The following CRABP1 variants were observed in gnomAD, a reference collection of about 807,000 sequenced individuals.
The protein encoded by CRABP1 is cellular retinoic acid-binding protein 1.
A neutral mutation model predicts 16.4 loss-of-function variants in CRABP1; 9 were observed. The ratio of observed to expected loss-of-function variants is 0.55; its 90% CI spans 0.33 to 0.96. The LOEUF (loss-of-function observed/expected upper bound fraction) is 0.96. Ranked by LOEUF, CRABP1 falls within the 40% of genes least tolerant of loss-of-function variation. The pLI is 0.03. For synonymous variants in CRABP1, 72 were observed against 70.4 expected (o/e 1.02, Z -0.11); for missense variants, 157 against 186.0 (o/e 0.84, Z 0.91).
At chr15:78,343,047 G>A (rs2050243518) in intron 2 of CRABP1, among the ~76,000 whole-genome samples, 1 of 152,058 alleles carries the variant, frequency 6.6e-6, no homozygotes, top group Non-Finnish European at 1.5e-5. Flanking sequence ...CCTGGGAGGT[G>A]GAGGTTGTAA....
intron 3 of CRABP1, among the ~76,000 whole-genome samples, chr15:78,346,459 G>A (rs1010851399): frequency 6.6e-6 from 1 of 152,140 alleles, no homozygotes; most frequent in Non-Finnish European, 1.5e-5. Context: ...TTGAAGTCAG[G>A]AGTTCGAGAC....
chr15:78,344,412 A>T (rs1359016468), intron 3 of CRABP1, among the ~76,000 whole-genome samples: 1 of 151,922 alleles, frequency 6.6e-6, no homozygotes, highest in Non-Finnish European at 1.5e-5. Flanking sequence ...GTGAGCTGAG[A>T]TGGCACCACT....
At position 78,341,627 on chromosome 15, in the gene CRABP1, C is replaced by A. The variant is rs1414566053; in HGVS notation, c.249+406C>A. 6.9e-6 allele frequency: 2 copies of A among 290,018 alleles called. No individual in the cohort carries two copies. The highest frequency in any genetic ancestry group is 1.4e-5 in the Non-Finnish European group (2 of 147,368). 18.0% of individuals were successfully genotyped at this position (290,018 alleles called of 1,614,324 possible). The stretch of plus-strand genomic sequence containing the variant: ...CTCTTGCATTCCTTTCCCGCCGTAT[C>A]CCCCGCGCCCGCCCGGGTCCCTGGG... On this transcript the variant is annotated intron_variant, in intron 2 of 3. Coordinates refer to ENST00000299529, the MANE Select transcript of CRABP1 (RefSeq NM_004378.3). The surrounding 1 kb of genome is among the most constrained non-coding windows in gnomAD (Gnocchi z 5.3).
In CRABP1 at chr15:78,348,082, T is replaced by C; in HGVS notation, c.*105T>C. 1 of 1,071,226 alleles carries C rather than the reference T, an allele frequency of 9.3e-7. No homozygotes were observed. Among genetic ancestry groups the C allele is most frequent in the Non-Finnish European group, 1.4e-6 (1 of 713,662 alleles). The allele number at this position is 1,071,226 out of a possible 1,614,324, so 66.4% of individuals were successfully genotyped here. ...GACCGCCCTTTTCCCCTACCAATAT[T>C]AGGTGATCCCGTTTTCCCCATGACA... On this transcript the variant is annotated 3_prime_UTR_variant, in exon 4 of 4. Transcript: ENST00000299529.
At chr15:78,344,007 T>C (rs1484955506) in intron 3 of CRABP1, among the ~76,000 whole-genome samples, 1 of 152,180 alleles carries the variant, frequency 6.6e-6, no homozygotes, top group Non-Finnish European at 1.5e-5. Flanking sequence ...TTTTGCTGGC[T>C]GGAAAAGGTT....
At chr15:78,344,616 C>A (rs2050255122) in intron 3 of CRABP1, among the ~76,000 whole-genome samples, 4 of 152,060 alleles carry the variant, frequency 2.6e-5, no homozygotes, top group Admixed American at 2.6e-4. Flanking sequence ...GCAGAACAAT[C>A]CCCCTCGCTC....
Position 78,347,039 on chromosome 15 carries a change from C to T in CRABP1, c.364-888C>T, listed in dbSNP as rs2050270165. On this transcript the variant is annotated intron_variant, in intron 3 of 3. Transcript: ENST00000299529. ...CATATTGCTTTCCCTGTTCTAACTG[C>T]CTGTGAGAGGTCCAGGAGAGCAGGC... is the stretch of plus-strand genomic sequence containing the variant. Among the ~76,000 whole-genome samples the T allele has an allele frequency of 4.0e-5, 6 of 151,118 alleles. No individual in the cohort carries two copies. The South Asian group carries it at 1.3e-3, about 32-fold the overall frequency.
rs2050236630 is a variant in CRABP1 at position 78,341,751 on chromosome 15, TC to T, written c.249+531del. 1 of 176,200 alleles carries T rather than the reference TC, an allele frequency of 5.7e-6. No homozygotes were observed. Among genetic ancestry groups the T allele is most frequent in the South Asian group, 1.3e-4 (1 of 7,768 alleles). 10.9% of individuals were successfully genotyped at this position (176,200 alleles called of 1,614,324 possible). A position where few individuals can be genotyped will look rare whatever the true frequency, so the allele number is the denominator to read the frequency against. On this transcript the variant is annotated intron_variant, in intron 2 of 3. Coordinates refer to ENST00000299529, the MANE Select transcript of CRABP1 (RefSeq NM_004378.3). This position sits in a 1 kb window ranked among gnomAD's most constrained non-coding sequence, Gnocchi z 5.3. ...CTGGTTCCTTAAAGGAACGGCGGAG[TC>T]TTTCCAAAAGCAAGGCAGGTTCTGG...
chr15:78,340,940 A>G (rs1398746822), intron 1 of CRABP1, 103 bp from the exon 2 acceptor site: 3 of 1,226,994 alleles, frequency 2.4e-6, no homozygotes, highest in Non-Finnish European at 3.3e-6. Context: ...GAGTGGATCA[A>G]TTTTAAGGCC....
chr15:78,348,103 T>G lies in CRABP1; in HGVS notation c.*126T>G. 1 of 900,574 alleles carries G rather than the reference T, an allele frequency of 1.1e-6. No individual in the cohort carries two copies. Among genetic ancestry groups the G allele is most frequent in the Non-Finnish European group, 1.7e-6 (1 of 573,236 alleles). The allele number at this position is 900,574 out of a possible 1,614,324, so 55.8% of individuals were successfully genotyped here. A position where few individuals can be genotyped will look rare whatever the true frequency, so the allele number is the denominator to read the frequency against. ...ATATTAGGTGATCCCGTTTTCCCCA[T>G]GACAATGTTGTAGTGTCCCCCACCC... On this transcript the variant is annotated 3_prime_UTR_variant, in exon 4 of 4. Transcript: ENST00000299529.
chr15:78,345,118 G>A (rs912245162), intron 3 of CRABP1, among the ~76,000 whole-genome samples: 14 of 152,210 alleles, frequency 9.2e-5, no homozygotes, highest in Admixed American at 3.9e-4. Context: ...GCCTGCTGAA[G>A]GGTGCTAGGA....
intron 3 of CRABP1, among the ~76,000 whole-genome samples, chr15:78,346,254 C>G (rs904838635): frequency 1.2e-4 from 19 of 152,172 alleles, no homozygotes; most frequent in African/African-American, 4.6e-4. Flanking sequence ...GTGGGAAAGT[C>G]AAGCCCCACA....
rs750025429 is a variant in CRABP1 at position 78,340,420 on chromosome 15, A to G, written c.-9A>G. On this transcript the variant is annotated 5_prime_UTR_variant, in exon 1 of 4. Transcript: ENST00000299529. ...GCTGTCCGTACCTGCCGCCGCCGCC[A>G]CCGCCACCATGCCCAACTTCGCCGG... The G allele has an allele frequency of 9.4e-6, 15 of 1,589,762 alleles. No homozygotes were observed. In the African/African-American group the frequency reaches 1.5e-4, roughly 16 times the overall value.
chr15:78,341,117 G>GATC lies in CRABP1; in HGVS notation c.147_149dup (p.Asp49_Gln50insHis). The GATC allele has an allele frequency of 6.2e-7, 1 of 1,613,122 alleles. No homozygotes were observed. Among genetic ancestry groups the GATC allele is most frequent in the Non-Finnish European group, 8.5e-7 (1 of 1,179,788 alleles). ...GCACGTGGAGATCCGCCAGGACGGG[G>GATC]ATCAGTTCTACATCAAGACATCCAC... On this transcript the variant is annotated inframe_insertion, in exon 2 of 4. Coordinates refer to ENST00000299529, the MANE Select transcript of CRABP1 (RefSeq NM_004378.3). The surrounding 1 kb of genome is among the most constrained non-coding windows in gnomAD (Gnocchi z 5.3).
Position 78,341,628 on chromosome 15 carries a change from C to T in CRABP1, c.249+407C>T, listed in dbSNP as rs1423330242. The T allele has an allele frequency of 1.8e-5, 5 of 280,740 alleles. No homozygotes were observed. Among genetic ancestry groups the T allele is most frequent in the African/African-American group, 1.1e-4 (5 of 44,858 alleles). 17.4% of individuals were successfully genotyped at this position (280,740 alleles called of 1,614,324 possible). A position where few individuals can be genotyped will look rare whatever the true frequency, so the allele number is the denominator to read the frequency against. On this transcript the variant is annotated intron_variant, in intron 2 of 3. Coordinates refer to ENST00000299529, the MANE Select transcript of CRABP1 (RefSeq NM_004378.3). The surrounding 1 kb of genome is among the most constrained non-coding windows in gnomAD (Gnocchi z 5.3). ...TCTTGCATTCCTTTCCCGCCGTATCCCCCGCGCCCGCCCGGGTCCCTGGGC... is the reference window on the plus strand; with the variant it reads ...TCTTGCATTCCTTTCCCGCCGTATCTCCCGCGCCCGCCCGGGTCCCTGGGC...
In CRABP1 at chr15:78,341,620, G is replaced by A. The variant is rs2050235692; in HGVS notation, c.249+399G>A. On this transcript the variant is annotated intron_variant, in intron 2 of 3. Transcript: ENST00000299529. This position sits in a 1 kb window ranked among gnomAD's most constrained non-coding sequence, Gnocchi z 5.3. ...GCCGCAGCTCTTGCATTCCTTTCCCGCCGTATCCCCCGCGCCCGCCCGGGT... is the reference window on the plus strand; with the variant it reads ...GCCGCAGCTCTTGCATTCCTTTCCCACCGTATCCCCCGCGCCCGCCCGGGT... 3.5e-6 allele frequency: 1 copy of A among 289,394 alleles called. No homozygotes were observed. Among genetic ancestry groups the A allele is most frequent in the Non-Finnish European group, 6.8e-6 (1 of 147,084 alleles). The allele number at this position is 289,394 out of a possible 1,614,324, so 17.9% of individuals were successfully genotyped here.
At position 78,348,123 on chromosome 15, in the gene CRABP1, C is replaced by G; in HGVS notation, c.*146C>G. ...CCCCATGACAATGTTGTAGTGTCCC[C>G]CACCCCCACCCCCCAGGCCTTGGTG... On this transcript the variant is annotated 3_prime_UTR_variant, in exon 4 of 4. Coordinates refer to ENST00000299529, the MANE Select transcript of CRABP1 (RefSeq NM_004378.3). 1.4e-6 allele frequency: 1 copy of G among 710,716 alleles called. No individual in the cohort carries two copies. The highest frequency in any genetic ancestry group is 2.4e-6 in the Non-Finnish European group (1 of 422,646). The allele number at this position is 710,716 out of a possible 1,614,324, so 44.0% of individuals were successfully genotyped here.
Position 78,343,727 on chromosome 15 carries a change from T to C in CRABP1, c.363+115T>C, listed in dbSNP as rs2050248868. ...GTTCAGAGAAAGACACCATTTGCCCTGGATTAAAATTAGAGCAGAAAACCC... is the reference window on the plus strand; with the variant it reads ...GTTCAGAGAAAGACACCATTTGCCCCGGATTAAAATTAGAGCAGAAAACCC... On this transcript the variant is annotated intron_variant, in intron 3 of 3. Transcript: ENST00000299529. The C allele has an allele frequency of 2.8e-5, 20 of 709,348 alleles. 1 individual carries two copies. Among genetic ancestry groups the C allele is most frequent in the Middle Eastern group, 3.8e-4 (1 of 2,632 alleles). 43.9% of individuals were successfully genotyped at this position (709,348 alleles called of 1,614,324 possible).
At position 78,343,597 on chromosome 15, in the gene CRABP1, C is replaced by A. The variant is rs760021598; in HGVS notation, c.348C>A (p.Asn116Lys). ...CCTACTGGACCCGTGAGCTGGCCAA[C>A]GATGAACTTATCCTGGTAGGGAACC... is the stretch of plus-strand genomic sequence containing the variant. ...PKTYWTRELANDELILTFGAD... is the reference protein window; with the variant it reads ...PKTYWTRELAKDELILTFGAD... The change falls in exon 3 of 4, where the codon AAC becomes AAA. Residue 116 changes from asparagine to lysine, a missense_variant. Transcript: ENST00000299529. 1.2e-6 allele frequency: 2 copies of A among 1,614,032 alleles called. No individual in the cohort carries two copies. The highest frequency in any genetic ancestry group is 1.7e-6 in the Non-Finnish European group (2 of 1,179,964).
Sources: allele counts gnomAD v4.1 joint callset (sites outside exome capture counted in the v4.1 genomes callset), GRCh38; gene constraint gnomAD v4.1.1; non-coding constraint Gnocchi (gnomAD v3.1); transcripts MANE v1.5; gene names NCBI Gene and HGNC (gene_info 2026-07-23, HGNC 2026-07-21).